CERS5: variants seen among roughly 807,000 people sequenced by gnomAD.
CERS5 encodes LAG1 homolog, ceramide synthase 5.
In CERS5, 37 loss-of-function variants were observed where a neutral mutation model predicts 58.9. That is an observed-to-expected ratio of 0.63 (90% confidence interval 0.48 to 0.83). The LOEUF is 0.83. Ranked by LOEUF, CERS5 falls within the 40% of genes least tolerant of loss-of-function variation. The pLI, the probability that CERS5 is intolerant of heterozygous loss-of-function variation, is 0.00. For synonymous variants in CERS5, 147 were observed against 177.8 expected (o/e 0.83, Z 1.38); for missense variants, 398 against 489.3 (o/e 0.81, Z 1.76).
In CERS5 at chr12:50,138,757, G is replaced by A. The variant is rs1951820798; in HGVS notation, c.493-140C>T. 4.1e-6 allele frequency: 3 copies of A among 732,474 alleles called. No homozygotes were observed. The Admixed American group carries it at 6.0e-5, about 15-fold the overall frequency. The allele number at this position is 732,474 out of a possible 1,614,324, so 45.4% of individuals were successfully genotyped here. On this transcript the variant is annotated intron_variant, in intron 4 of 9. Transcript: ENST00000317551. Reference sequence around the variant, plus strand: ...CAAACAGATTTTAGGGCTCCCTAAAGGATCAATAAATAGCTAGACTGTTCT... The same window carrying A: ...CAAACAGATTTTAGGGCTCCCTAAAAGATCAATAAATAGCTAGACTGTTCT...
At chr12:50,156,390 C>G (rs1406832030) in intron 1 of CERS5, among the ~76,000 whole-genome samples, 1 of 114,400 alleles carries the variant, frequency 8.7e-6, no homozygotes, top group Non-Finnish European at 1.8e-5. Context: ...GGTGACAGAG[C>G]AAGACTCTGT....
At chr12:50,130,799 C>T (rs1031874506) in intron 9 of CERS5, 105 bp from the exon 10 acceptor site, 1 of 960,398 alleles carries the variant, frequency 1.0e-6, no homozygotes, top group Admixed American at 2.5e-5. Context: ...GGTCTGCTTT[C>T]TGATGACATC....
At chr12:50,142,548 C>CAA (rs55654212) in intron 3 of CERS5, among the ~76,000 whole-genome samples, 4,290 of 86,478 alleles carry the variant, frequency 0.05, 305 homozygotes, top group African/African-American at 0.15. Flanking sequence ...GACTCCGTCT[C>CAA]AAAAAAAAAA....
chr12:50,145,376 T>C (rs1952213764), intron 1 of CERS5, among the ~76,000 whole-genome samples: 1 of 151,290 alleles, frequency 6.6e-6, no homozygotes, highest in African/African-American at 2.5e-5. Context: ...AAACTCTATA[T>C]TGCCACTTTC....
chr12:50,143,765 G>A (rs1342345274), intron 2 of CERS5, 187 bp downstream of exon 2: 1 of 512,104 alleles, frequency 2.0e-6, no homozygotes, highest in East Asian at 3.0e-5. Context: ...ACGTAAACTT[G>A]ACATACGTAG....
At position 50,167,197 on chromosome 12, in the gene CERS5, C is replaced by T. The variant is rs200281472; in HGVS notation, c.101G>A (p.Gly34Glu). ...PENVSWADLE[G>E]PADGYGYPRG... Reference sequence around the variant, plus strand: ...GGGGTAACCGTAGCCGTCGGCCGGCCCCTCCAGATCAGCCCAGCTCACGTT... The same window carrying T: ...GGGGTAACCGTAGCCGTCGGCCGGCTCCTCCAGATCAGCCCAGCTCACGTT... Residue 34 changes from glycine to glutamate, a missense_variant, in exon 1 of 10, where the codon GGG (glycine) becomes GAG (glutamate). Physicochemically the swap from Gly to Glu is moderately conservative, Grantham distance 98. Transcript: ENST00000317551. 6.1e-5 allele frequency: 98 copies of T among 1,606,200 alleles called. No individual in the cohort carries two copies. The highest frequency in any genetic ancestry group is 7.9e-5 in the Non-Finnish European group (93 of 1,177,932).
intron 9 of CERS5, 34 bp from the exon 10 acceptor site, chr12:50,130,728 G>A: frequency 3.2e-6 from 5 of 1,540,646 alleles, no homozygotes; most frequent in Non-Finnish European, 4.4e-6. Flanking sequence ...AGAAAAGTGA[G>A]GAAAGAACTG....
chr12:50,139,587 A>C (rs1208846603), intron 4 of CERS5, among the ~76,000 whole-genome samples: 2 of 152,138 alleles, frequency 1.3e-5, no homozygotes, highest in African/African-American at 4.8e-5. Context: ...TGAGGTTAGG[A>C]GTTCAAGATT....
intron 1 of CERS5, among the ~76,000 whole-genome samples, chr12:50,160,222 T>C (rs1167127966): frequency 1.3e-5 from 2 of 150,778 alleles, no homozygotes; most frequent in Admixed American, 1.3e-4. Flanking sequence ...GGAGAATCGC[T>C]TGAACCCAGG....
Position 50,153,269 on chromosome 12 carries a change from ATTTTTTTTTT to A in CERS5, c.198-9222_198-9213del, listed in dbSNP as rs202197775. ...GGTTATAATGAGATAAACTAATATG[ATTTTTTTTTT>A]TTTTTTTTTTTTTTTTTCTGAGACG... On this transcript the variant is annotated intron_variant, in intron 1 of 9. Transcript: ENST00000317551. Among the ~76,000 whole-genome samples the A allele has an allele frequency of 1.6e-3, 146 of 93,434 alleles. 2 individuals carry two copies. The highest frequency in any genetic ancestry group is 2.2e-3 in the Admixed American group (18 of 8,224). 61.3% of individuals were successfully genotyped at this position (93,434 alleles called of 152,430 possible).
chr12:50,143,258 A>G (rs770174432), intron 2 of CERS5, 54 bp from the exon 3 acceptor site: 1 of 1,599,146 alleles, frequency 6.3e-7, no homozygotes, highest in East Asian at 2.2e-5. Context: ...CCCTCCTTCA[A>G]TCCCATTGAC....
chr12:50,144,169 A>G (rs1952134589), intron 1 of CERS5, 112 bp from the exon 2 acceptor site: 4 of 645,852 alleles, frequency 6.2e-6, no homozygotes, highest in Non-Finnish European at 1.1e-5. Context: ...CAATGCATGT[A>G]TACATAGTAT....
chr12:50,138,133 A>AC (rs757952360), intron 5 of CERS5, among the ~76,000 whole-genome samples: 3 of 152,156 alleles, frequency 2.0e-5, no homozygotes, highest in Non-Finnish European at 4.4e-5. Context: ...GATTAAATAC[A>AC]CATAGGCCTT....
chr12:50,132,944 A>G (rs1035499008), intron 9 of CERS5: 2 of 1,288,886 alleles, frequency 1.6e-6, no homozygotes, highest in Admixed American at 2.3e-5. Flanking sequence ...TGAATACTAG[A>G]AGCACAGATA....
rs71083511 is a variant in CERS5 at position 50,148,904 on chromosome 12, CA to C, written c.198-4848del. On this transcript the variant is annotated intron_variant, in intron 1 of 9. Coordinates refer to ENST00000317551, the MANE Select transcript of CERS5 (RefSeq NM_147190.5). ...GGGGTGACGGAGCGAGACTCCATCT[CA>C]AAAAAAAAAAAAAAAAAAAAAAATA... Among the ~76,000 whole-genome samples, 478 of 71,992 alleles carry C rather than the reference CA, an allele frequency of 6.6e-3. 2 individuals carry two copies. The highest frequency in any genetic ancestry group is 0.013 in the African/African-American group (220 of 16,402). 47.2% of individuals were successfully genotyped at this position (71,992 alleles called of 152,430 possible). A position where few individuals can be genotyped will look rare whatever the true frequency, so the allele number is the denominator to read the frequency against.
At position 50,155,230 on chromosome 12, in the gene CERS5, A is replaced by T. The variant is rs79442608; in HGVS notation, c.198-11173T>A. ...ATGGGTATATGTAACCCACATAAAC[A>T]AAAGCTCCTTGGAGTCCTCAGTAAT... is the stretch of plus-strand genomic sequence containing the variant. On this transcript the variant is annotated intron_variant, in intron 1 of 9. Transcript: ENST00000317551. 7.6e-3 allele frequency among the ~76,000 whole-genome samples: 1,164 copies of T among 152,286 alleles called. 14 individuals carry two copies. The highest frequency in any genetic ancestry group is 0.026 in the African/African-American group (1,085 of 41,562).
intron 1 of CERS5, among the ~76,000 whole-genome samples, chr12:50,156,972 G>A (rs959448247): frequency 3.3e-5 from 5 of 152,210 alleles, no homozygotes; most frequent in African/African-American, 1.2e-4. Context: ...ACATGTCTGT[G>A]AGGGTGTTGC....
intron 1 of CERS5, among the ~76,000 whole-genome samples, chr12:50,153,179 AGAAAACTTTT>A (rs1458525322): frequency 1.3e-5 from 2 of 152,026 alleles, no homozygotes; most frequent in African/African-American, 4.8e-5. Flanking sequence ...TAGAATGTTT[AGAAAACTTTT>A]ACCTGCCTTT....
At chr12:50,133,249 T>A (rs1951434654) in intron 9 of CERS5, 1 of 1,077,920 alleles carries the variant, frequency 9.3e-7, no homozygotes, top group Admixed American at 4.2e-5. Flanking sequence ...GCAGAGCCCC[T>A]CCCACTTGGG....
Sources: allele counts gnomAD v4.1 joint callset (sites outside exome capture counted in the v4.1 genomes callset), GRCh38; gene constraint gnomAD v4.1.1; transcripts MANE v1.5; gene names NCBI Gene and HGNC (gene_info 2026-07-23, HGNC 2026-07-21).